The following U2SURP variants were observed in gnomAD, a reference collection of about 807,000 sequenced individuals.
U2SURP encodes the protein U2 snRNP-associated SURP motif-containing protein.
In U2SURP, 9 loss-of-function variants were observed where a neutral mutation model predicts 144.9. That is an observed-to-expected ratio of 0.06 (90% confidence interval 0.04 to 0.11). U2SURP has a LOEUF of 0.11. Ranked by LOEUF, U2SURP falls within the 10% of genes least tolerant of loss-of-function variation. The pLI is 1.00. For missense variants in U2SURP, 724 were observed against 1,226.7 expected, an observed-to-expected ratio of 0.59 and a Z score of 6.12; for synonymous variants, 408 against 396.8, an observed-to-expected ratio of 1.03 and a Z score of -0.33.
chr3:143,052,216 T>G (rs542666963), intron 25 of U2SURP, among the ~76,000 whole-genome samples: 3 of 152,042 alleles, frequency 2.0e-5, no homozygotes, highest in Non-Finnish European at 4.4e-5. Context: ...CCAGCATGGA[T>G]AAACCCCGTC....
intron 16 of U2SURP, among the ~76,000 whole-genome samples, 159 bp from the exon 17 acceptor site, chr3:143,032,625 C>T (rs1933571637): frequency 6.6e-6 from 1 of 152,102 alleles, no homozygotes; most frequent in Admixed American, 6.5e-5. Context: ...AAAATTGTAA[C>T]AATTTTGGGG....
intron 1 of U2SURP, among the ~76,000 whole-genome samples, chr3:143,008,813 G>T (rs116166401): frequency 1.3e-5 from 2 of 152,204 alleles, no homozygotes; most frequent in Admixed American, 6.5e-5. Flanking sequence ...TCGCCTAGGC[G>T]GTAGTGCAGT....
chr3:143,026,301 T>C (rs139704220), intron 13 of U2SURP: 219 of 152,268 alleles, frequency 1.4e-3, no homozygotes, highest in African/African-American at 5.1e-3. Context: ...TTATTTTTGG[T>C]AAAATATTGG....
At chr3:143,049,265 C>CAAAA (rs200930787) in intron 24 of U2SURP, among the ~76,000 whole-genome samples, 119 of 81,418 alleles carry the variant, frequency 1.5e-3, no homozygotes, top group Non-Finnish European at 2.1e-3. Flanking sequence ...GACTCCATCT[C>CAAAA]AAAAAAAAAA....
In U2SURP at chr3:143,058,766, G is replaced by T. The variant is rs1251282517; in HGVS notation, c.*2316G>T. 2 of 151,784 alleles carry T rather than the reference G, an allele frequency of 1.3e-5. No homozygotes were observed. Among genetic ancestry groups the T allele is most frequent in the Non-Finnish European group, 3.0e-5 (2 of 67,790 alleles). 9.4% of individuals were successfully genotyped at this position (151,784 alleles called of 1,614,324 possible). A position where few individuals can be genotyped will look rare whatever the true frequency, so the allele number is the denominator to read the frequency against. Reference sequence around the variant, plus strand: ...TAATAGCTTATTATTCATGTTTCTTGTCTGAAGGACACTCAAGTTACAGAG... The same window carrying T: ...TAATAGCTTATTATTCATGTTTCTTTTCTGAAGGACACTCAAGTTACAGAG... On this transcript the variant is annotated 3_prime_UTR_variant, in exon 28 of 28. Transcript: ENST00000473835.
At chr3:143,034,754 C>T in intron 18 of U2SURP, 134 bp from the exon 19 acceptor site, 2 of 600,410 alleles carry the variant, frequency 3.3e-6, no homozygotes, top group Middle Eastern at 4.5e-4. Flanking sequence ...GTTTAAACAC[C>T]TAGTTTTTGA....
intron 1 of U2SURP, among the ~76,000 whole-genome samples, chr3:143,007,220 A>G (rs1433503832): frequency 6.6e-6 from 1 of 151,660 alleles, no homozygotes; most frequent in African/African-American, 2.4e-5. Context: ...TGTGTATGCT[A>G]CTTTATTGTG....
In U2SURP at chr3:143,058,782, A is replaced by G. The variant is rs185865282; in HGVS notation, c.*2332A>G. 8 of 152,064 alleles carry G rather than the reference A, an allele frequency of 5.3e-5. No homozygotes were observed. Among genetic ancestry groups the G allele is most frequent in the African/African-American group, 1.9e-4 (8 of 41,562 alleles). The allele number at this position is 152,064 out of a possible 1,614,324, so 9.4% of individuals were successfully genotyped here. ...ATGTTTCTTGTCTGAAGGACACTCA[A>G]GTTACAGAGCAAAATTTCTATAGGT... On this transcript the variant is annotated 3_prime_UTR_variant, in exon 28 of 28. Coordinates refer to ENST00000473835, the MANE Select transcript of U2SURP (RefSeq NM_001080415.2).
At position 143,053,760 on chromosome 3, in the gene U2SURP, G is replaced by A. The variant is rs777265789; in HGVS notation, c.2740G>A (p.Glu914Lys). The A allele has an allele frequency of 6.2e-7, 1 of 1,607,586 alleles. No individual in the cohort carries two copies. The highest frequency in any genetic ancestry group is 8.5e-7 in the Non-Finnish European group (1 of 1,177,322). Residue 914 changes from glutamate (E) to lysine (K), a missense_variant, in exon 26 of 28, where the codon GAA (glutamate) becomes AAA (lysine). By Grantham distance (56) the Glu-to-Lys change is moderately conservative (BLOSUM62 1). Around this residue, in one of 13 missense-constraint regions of U2SURP, gnomAD observed 129 missense variants for 196.1 expected, o/e 0.66. Transcript: ENST00000473835. ...GGAATCTCGCTCCAAAGACAAGAAGGAAAAAGATGAGTGTACTCCGACAAG... is the reference window on the plus strand; with the variant it reads ...GGAATCTCGCTCCAAAGACAAGAAGAAAAAAGATGAGTGTACTCCGACAAG... ...KLESRSKDKK[E>K]KDECTPTRKE...
intron 1 of U2SURP, among the ~76,000 whole-genome samples, chr3:143,007,353 C>T (rs1935893105): frequency 6.6e-6 from 1 of 151,514 alleles, no homozygotes; most frequent in Non-Finnish European, 1.5e-5. Context: ...GAACTCCTGG[C>T]CTCGAGCAGT....
At chr3:143,008,886 G>A (rs544455970) in intron 1 of U2SURP, among the ~76,000 whole-genome samples, 2 of 152,086 alleles carry the variant, frequency 1.3e-5, no homozygotes, top group Admixed American at 6.5e-5. Flanking sequence ...CTGCCTCAGC[G>A]AGTAGCTGGG....
intron 16 of U2SURP, among the ~76,000 whole-genome samples, chr3:143,030,260 C>T (rs992549700): frequency 2.0e-5 from 3 of 152,208 alleles, no homozygotes; most frequent in African/African-American, 4.8e-5. Flanking sequence ...AAAGGACAGG[C>T]TGACTCTCTT....
chr3:143,051,121 A>C, intron 25 of U2SURP, 72 bp downstream of exon 25: 5 of 862,848 alleles, frequency 5.8e-6, no homozygotes, highest in Middle Eastern at 2.4e-4. Flanking sequence ...ATACTGGTAT[A>C]CCTAAAGATG....
At chr3:143,004,694 A>T (rs567779335) in intron 1 of U2SURP, among the ~76,000 whole-genome samples, 42 of 149,328 alleles carry the variant, frequency 2.8e-4, no homozygotes, top group African/African-American at 1.0e-3. Context: ...ACTTACCTTT[A>T]TTCATAATTG....
chr3:143,049,398 TGTA>T (rs1419434523), intron 24 of U2SURP, among the ~76,000 whole-genome samples: 1 of 152,206 alleles, frequency 6.6e-6, no homozygotes, highest in Non-Finnish European at 1.5e-5. Flanking sequence ...AATAAAATGC[TGTA>T]GTAGCATTTA....
At chr3:143,023,267 ATTCC>A in intron 12 of U2SURP, 1 of 490,300 alleles carries the variant, frequency 2.0e-6, no homozygotes, top group South Asian at 3.3e-5. Context: ...TGTGGCTACC[ATTCC>A]TTTTTTGACC....
At chr3:143,015,871 G>A (rs940321539) in intron 4 of U2SURP, among the ~76,000 whole-genome samples, 1 of 152,036 alleles carries the variant, frequency 6.6e-6, no homozygotes, top group African/African-American at 2.4e-5. Context: ...TAATACTCAT[G>A]TTTTTGGTGA....
At chr3:143,053,584 T>A in intron 25 of U2SURP, 92 bp from the exon 26 acceptor site, 1 of 942,974 alleles carries the variant, frequency 1.1e-6, no homozygotes, top group Non-Finnish European at 1.5e-6. Context: ...TTTAAAAAAT[T>A]ATTTCCTGTA....
rs1476416911 is a variant in U2SURP at position 143,022,491 on chromosome 3, T to A, written c.853-6T>A. ...CATAATAAAAATCTTTTACCCTTTTTAATAGATGAATGAAGAAATGCTGTG... is the reference window on the plus strand; with the variant it reads ...CATAATAAAAATCTTTTACCCTTTTAAATAGATGAATGAAGAAATGCTGTG... On this transcript the variant is annotated splice_region_variant and splice_polypyrimidine_tract_variant and intron_variant, in intron 10 of 27. Coordinates refer to ENST00000473835, the MANE Select transcript of U2SURP (RefSeq NM_001080415.2). The A allele has an allele frequency of 1.3e-6, 2 of 1,533,038 alleles. No homozygotes were observed. Among genetic ancestry groups the A allele is most frequent in the Non-Finnish European group, 1.8e-6 (2 of 1,140,206 alleles). The allele number at this position is 1,533,038 out of a possible 1,614,324, so 95.0% of individuals were successfully genotyped here. A position where few individuals can be genotyped will look rare whatever the true frequency, so the allele number is the denominator to read the frequency against.
Sources: allele counts gnomAD v4.1 joint callset (sites outside exome capture counted in the v4.1 genomes callset), GRCh38; gene constraint gnomAD v4.1.1; regional missense constraint gnomAD v4.1.1; transcripts MANE v1.5; gene names NCBI Gene and HGNC (gene_info 2026-07-23, HGNC 2026-07-21).